MAGI1: variants seen among roughly 807,000 people sequenced by gnomAD.
MAGI1 encodes the protein membrane-associated guanylate kinase, WW and PDZ domain-containing protein 1.
A neutral mutation model predicts 139.9 loss-of-function variants in MAGI1; 58 were observed. The observed-to-expected ratio is 0.41, with a 90% CI of 0.34 to 0.52. The LOEUF is 0.52. Ranked by LOEUF, MAGI1 falls within the 20% of genes least tolerant of loss-of-function variation. The pLI, the probability that MAGI1 is intolerant of heterozygous loss-of-function variation, is 0.12. For synonymous variants in MAGI1, 812 were observed against 737.9 expected (o/e 1.10, Z -1.63); for missense variants, 1,874 against 1,901.6 (o/e 0.99, Z 0.27).
chr3:65,769,098 G>A (rs533279905), intron 1 of MAGI1, among the ~76,000 whole-genome samples: 5 of 152,210 alleles, frequency 3.3e-5, no homozygotes, highest in African/African-American at 1.2e-4. Flanking sequence ...TGCAAAATTT[G>A]AACTCAATAT....
chr3:65,762,220 A>G (rs972789757), intron 1 of MAGI1, among the ~76,000 whole-genome samples: 5 of 152,160 alleles, frequency 3.3e-5, no homozygotes, highest in Admixed American at 6.5e-5. Context: ...TCCCCCTCCA[A>G]CGAGAATCAC....
At chr3:66,019,313 G>C (rs1327218394) in intron 1 of MAGI1, among the ~76,000 whole-genome samples, 1 of 152,132 alleles carries the variant, frequency 6.6e-6, no homozygotes, top group Non-Finnish European at 1.5e-5. Context: ...TGGGCTCTCT[G>C]GTGCATTAAA....
At chr3:65,650,803 A>G (rs1260702480) in intron 1 of MAGI1, among the ~76,000 whole-genome samples, 1 of 152,174 alleles carries the variant, frequency 6.6e-6, no homozygotes, top group African/African-American at 2.4e-5. Flanking sequence ...CAGTGCTCCC[A>G]GGTGATAAGA....
chr3:65,768,991 T>C (rs1400973843), intron 1 of MAGI1, among the ~76,000 whole-genome samples: 1 of 152,164 alleles, frequency 6.6e-6, no homozygotes. Flanking sequence ...TCCTTGAAAC[T>C]TGAAACCAGC....
Position 65,617,846 on chromosome 3 carries a change from T to C in MAGI1, c.430+4126A>G, listed in dbSNP as rs538044005. Among the ~76,000 whole-genome samples the C allele has an allele frequency of 1.5e-3, 224 of 152,346 alleles. 1 individual carries two copies. Among genetic ancestry groups the C allele is most frequent in the Non-Finnish European group, 2.5e-3 (173 of 68,032 alleles). Reference sequence around the variant, plus strand: ...ATGCGTTCAACAAATACTTATCCTATAGTCCAGGCACTAAGCTAGGAGTGG... The same window carrying C: ...ATGCGTTCAACAAATACTTATCCTACAGTCCAGGCACTAAGCTAGGAGTGG... On this transcript the variant is annotated intron_variant, in intron 2 of 22. Transcript: ENST00000402939.
At chr3:65,616,713 C>T (rs1296220117) in intron 2 of MAGI1, among the ~76,000 whole-genome samples, 1 of 152,166 alleles carries the variant, frequency 6.6e-6, no homozygotes, top group Non-Finnish European at 1.5e-5. Context: ...TCTGATCAGT[C>T]CTATGATGCT....
chr3:65,661,693 G>C (rs1172072897), intron 1 of MAGI1, among the ~76,000 whole-genome samples: 1 of 149,122 alleles, frequency 6.7e-6, no homozygotes, highest in Non-Finnish European at 1.5e-5. Flanking sequence ...CCTGTTTTTA[G>C]TATTCTTAAA....
At chr3:65,589,556 A>G (rs1559697944) in intron 2 of MAGI1, among the ~76,000 whole-genome samples, 3 of 151,126 alleles carry the variant, frequency 2.0e-5, no homozygotes, top group African/African-American at 7.3e-5. Context: ...TTCCTTGTTG[A>G]CCCCCCCTGC....
intron 2 of MAGI1, among the ~76,000 whole-genome samples, chr3:65,574,113 A>C (rs2081076179): frequency 6.6e-6 from 1 of 152,054 alleles, no homozygotes; most frequent in African/African-American, 2.4e-5. Flanking sequence ...ATACAAGATC[A>C]ATATATAAAA....
At chr3:65,705,347 A>G (rs2107626936) in intron 1 of MAGI1, among the ~76,000 whole-genome samples, 1 of 152,302 alleles carries the variant, frequency 6.6e-6, no homozygotes, top group African/African-American at 2.4e-5. Context: ...AATTTACTGA[A>G]ATTCTAATTA....
At chr3:65,719,557 T>C (rs1222215545) in intron 1 of MAGI1, among the ~76,000 whole-genome samples, 2 of 151,876 alleles carry the variant, frequency 1.3e-5, no homozygotes, top group South Asian at 2.1e-4. Context: ...TCTTTTTTTT[T>C]TTTTTTGAAA....
chr3:65,377,563 ATAGT>A (rs757895507), intron 17 of MAGI1, among the ~76,000 whole-genome samples: 6 of 152,380 alleles, frequency 3.9e-5, no homozygotes, highest in South Asian at 2.1e-4. Flanking sequence ...CAATTCTGAA[ATAGT>A]TAGGAACGTC....
rs549273927 is a variant in MAGI1, at chr3:65,516,476, C to T, written c.431-22845G>A. 1.2e-3 allele frequency among the ~76,000 whole-genome samples: 183 copies of T among 151,902 alleles called. 1 individual carries two copies. The highest frequency in any genetic ancestry group is 0.01 in the Middle Eastern group (3 of 294). ...ACAGGCATGAGCCACCGTGCCTGGCCGACCCTGTCTCTTTTTAAAAGTATA... is the reference window on the plus strand; with the variant it reads ...ACAGGCATGAGCCACCGTGCCTGGCTGACCCTGTCTCTTTTTAAAAGTATA... On this transcript the variant is annotated intron_variant, in intron 2 of 22. Transcript: ENST00000402939.
intron 13 of MAGI1, among the ~76,000 whole-genome samples, chr3:65,398,916 G>T: frequency 6.6e-6 from 1 of 151,700 alleles, no homozygotes; most frequent in East Asian, 1.9e-4. Flanking sequence ...AAGCTACAGG[G>T]ACTATCCAGG....
At chr3:65,690,075 G>C (rs1034200073) in intron 1 of MAGI1, among the ~76,000 whole-genome samples, 1 of 152,142 alleles carries the variant, frequency 6.6e-6, no homozygotes, top group Non-Finnish European at 1.5e-5. Flanking sequence ...ACAGCAATAG[G>C]AGTGGCTGCA....
At chr3:65,360,775 C>A (rs1351223473) in intron 22 of MAGI1, 2 of 1,015,786 alleles carry the variant, frequency 2.0e-6, no homozygotes, top group East Asian at 1.9e-4. Flanking sequence ...AATAAAGACA[C>A]CAAGTAACCA....
At chr3:65,569,721 A>AC (rs2080854846) in intron 2 of MAGI1, among the ~76,000 whole-genome samples, 1 of 151,184 alleles carries the variant, frequency 6.6e-6, no homozygotes, top group Non-Finnish European at 1.5e-5. Flanking sequence ...TAAAAACAAA[A>AC]AATAAATTAG....
At chr3:65,994,919 T>G (rs938869846) in intron 1 of MAGI1, among the ~76,000 whole-genome samples, 6 of 152,236 alleles carry the variant, frequency 3.9e-5, no homozygotes, top group African/African-American at 1.2e-4. Flanking sequence ...CTCTTTCCTC[T>G]GTCCTCCACA....
chr3:65,945,103 T>C (rs1207772727), intron 1 of MAGI1, among the ~76,000 whole-genome samples: 1 of 152,174 alleles, frequency 6.6e-6, no homozygotes, highest in Admixed American at 6.5e-5. Context: ...GGAGCACCAA[T>C]GGATCTGGTG....
Sources: allele counts gnomAD v4.1 joint callset (sites outside exome capture counted in the v4.1 genomes callset), GRCh38; gene constraint gnomAD v4.1.1; transcripts MANE v1.5; gene names NCBI Gene and HGNC (gene_info 2026-07-23, HGNC 2026-07-21).